The following CDH12 variants were observed in gnomAD, a reference collection of about 807,000 sequenced individuals.
CDH12 encodes the protein cadherin-12.
In CDH12, 41 loss-of-function variants were observed where a neutral mutation model predicts 74.1. The observed-to-expected ratio is 0.55, with a 90% CI of 0.43 to 0.72. The LOEUF is 0.72. Among genes scored for constraint, CDH12 ranks in the 30% least tolerant of loss-of-function variants. The pLI is 0.00. For synonymous variants in CDH12, 399 were observed against 355.0 expected (o/e 1.12, Z -1.39); for missense variants, 945 against 977.2 (o/e 0.97, Z 0.44).
At chr5:22,466,818 C>CTTGCTCT (rs1384919017) in intron 2 of CDH12, among the ~76,000 whole-genome samples, 1 of 68,518 alleles carries the variant, frequency 1.5e-5, no homozygotes, top group Non-Finnish European at 2.6e-5. Flanking sequence ...GAGACGTTGT[C>CTTGCTCT]TTGCTCTGTC....
chr5:21,862,411 C>T (rs1049572567), intron 6 of CDH12, among the ~76,000 whole-genome samples: 1 of 152,080 alleles, frequency 6.6e-6, no homozygotes, highest in African/African-American at 2.4e-5. Flanking sequence ...TAAAATCATT[C>T]TTATTGGTAC....
At chr5:21,830,199 CAAAAAA>C (rs1055199877) in intron 8 of CDH12, among the ~76,000 whole-genome samples, 837 of 25,144 alleles carry the variant, frequency 0.033, 1 homozygote, top group African/African-American at 0.097. Flanking sequence ...AACTCCTTCT[CAAAAAA>C]AAAAAAAAAA....
intron 10 of CDH12, among the ~76,000 whole-genome samples, chr5:21,792,162 TAACA>T (rs1277636685): frequency 1.3e-5 from 2 of 151,916 alleles, no homozygotes; most frequent in African/African-American, 4.8e-5. Flanking sequence ...CAATTCATTT[TAACA>T]AACACTTTAC....
rs138309995 is a variant in CDH12 at position 22,017,095 on chromosome 5, A to G, written c.232-41710T>C. Among the ~76,000 whole-genome samples, 9 of 152,066 alleles carry G rather than the reference A, an allele frequency of 5.9e-5. No homozygotes were observed. In the East Asian group the frequency reaches 1.6e-3, roughly 26 times the overall value. ...TGAGCAAATGTTGGCCACCATATCA[A>G]CTCAGACCATAGACTACCTTGCTTT... is the stretch of plus-strand genomic sequence containing the variant. On this transcript the variant is annotated intron_variant, in intron 5 of 14. Transcript: ENST00000382254.
intron 1 of CDH12, among the ~76,000 whole-genome samples, chr5:22,790,933 T>C (rs1268677146): frequency 6.6e-6 from 1 of 152,148 alleles, no homozygotes; most frequent in East Asian, 1.9e-4. Flanking sequence ...GCAACCATAA[T>C]GGACTAAACA....
rs374128897 is a variant in CDH12 at position 22,274,515 on chromosome 5, T to C, written c.-332-61872A>G. 3.9e-5 allele frequency among the ~76,000 whole-genome samples: 6 copies of C among 152,252 alleles called. No individual in the cohort carries two copies. In the South Asian group the frequency reaches 1.2e-3, roughly 32 times the overall value. ...GGACAATCAATTTTTTAAATGGATA[T>C]AATTTTATCAAATATATTAACCACA... On this transcript the variant is annotated intron_variant, in intron 3 of 14. Transcript: ENST00000382254.
chr5:21,876,044 C>T (rs933133462), intron 6 of CDH12, among the ~76,000 whole-genome samples: 6 of 151,848 alleles, frequency 4.0e-5, no homozygotes, highest in South Asian at 2.1e-4. Flanking sequence ...TACAGGTGCA[C>T]GCCACCATGC....
intron 4 of CDH12, among the ~76,000 whole-genome samples, chr5:22,120,323 A>G (rs1230376680): frequency 6.6e-6 from 1 of 152,218 alleles, no homozygotes; most frequent in African/African-American, 2.4e-5. Flanking sequence ...ATACATATTC[A>G]GTGGAATTTC....
chr5:22,550,885 G>A (rs919158240), intron 1 of CDH12, among the ~76,000 whole-genome samples: 6 of 152,166 alleles, frequency 3.9e-5, no homozygotes, highest in Admixed American at 2.0e-4. Context: ...CTATGCTTCA[G>A]CCAGGTGAGG....
chr5:21,979,077 T>C (rs561605912), intron 5 of CDH12, among the ~76,000 whole-genome samples: 1 of 152,184 alleles, frequency 6.6e-6, no homozygotes, highest in East Asian at 1.9e-4. Flanking sequence ...TGATGCCATT[T>C]TTACACAGCC....
At chr5:22,154,133 A>C (rs1331108845) in intron 4 of CDH12, among the ~76,000 whole-genome samples, 2 of 150,182 alleles carry the variant, frequency 1.3e-5, no homozygotes, top group Non-Finnish European at 1.5e-5. Flanking sequence ...ATATTTATGT[A>C]TGCTGTACAC....
intron 9 of CDH12, among the ~76,000 whole-genome samples, chr5:21,810,099 G>A (rs1747666036): frequency 6.6e-6 from 1 of 152,086 alleles, no homozygotes; most frequent in Admixed American, 6.6e-5. Context: ...TGTAGCTTGT[G>A]CATATGAACA....
chr5:21,914,841 T>G (rs1754016034), intron 6 of CDH12, among the ~76,000 whole-genome samples: 1 of 152,220 alleles, frequency 6.6e-6, no homozygotes, highest in East Asian at 1.9e-4. Flanking sequence ...AGCAAAGTTC[T>G]GACATGAAAT....
chr5:22,599,950 G>C (rs1168618406), intron 1 of CDH12, among the ~76,000 whole-genome samples: 1 of 152,094 alleles, frequency 6.6e-6, no homozygotes, highest in Non-Finnish European at 1.5e-5. Context: ...GCCACATACT[G>C]CATGTTTGTT....
At chr5:22,497,027 C>T (rs1384705207) in intron 2 of CDH12, among the ~76,000 whole-genome samples, 2 of 152,232 alleles carry the variant, frequency 1.3e-5, no homozygotes, top group Non-Finnish European at 1.5e-5. Flanking sequence ...AGACTTTTAG[C>T]GTCATTTTCT....
intron 1 of CDH12, among the ~76,000 whole-genome samples, chr5:22,773,845 T>C (rs953635305): frequency 1.1e-4 from 16 of 151,992 alleles, no homozygotes; most frequent in African/African-American, 3.9e-4. Flanking sequence ...CATGGACACT[T>C]CTTGGAAGAA....
chr5:22,584,963 C>A (rs1056574053), intron 1 of CDH12, among the ~76,000 whole-genome samples: 17 of 152,102 alleles, frequency 1.1e-4, no homozygotes, highest in African/African-American at 4.1e-4. Flanking sequence ...TAAAAAAAAC[C>A]TTGTAAGGAT....
At chr5:22,524,304 C>T (rs1737176891) in intron 1 of CDH12, among the ~76,000 whole-genome samples, 1 of 152,072 alleles carries the variant, frequency 6.6e-6, no homozygotes, top group African/African-American at 2.4e-5. Flanking sequence ...TAATTTTTAT[C>T]ATTTAAAAAT....
intron 1 of CDH12, among the ~76,000 whole-genome samples, chr5:22,639,381 G>A (rs918751623): frequency 2.3e-4 from 35 of 150,522 alleles, no homozygotes; most frequent in African/African-American, 7.8e-4. Context: ...CACTAATGTG[G>A]CTGGGCAAGT....
Sources: gnomAD v4.1 joint callset for allele counts (sites outside exome capture counted in the v4.1 genomes callset) on GRCh38, gnomAD v4.1.1 for gene constraint, MANE v1.5 for transcripts, NCBI Gene and HGNC (gene_info 2026-07-23, HGNC 2026-07-21) for gene names.